SLC35F1: variants seen among roughly 807,000 people sequenced by gnomAD.
SLC35F1 encodes solute carrier family 35 member F1, also known as chromosome 6 open reading frame 169.
A neutral mutation model predicts 48.7 loss-of-function variants in SLC35F1; 14 were observed. That is an observed-to-expected ratio of 0.29 (90% CI 0.19 to 0.45). The LOEUF (loss-of-function observed/expected upper bound fraction) is 0.45. Among genes scored for constraint, SLC35F1 ranks in the 20% least tolerant of loss-of-function variants. The pLI, the probability that SLC35F1 is intolerant of heterozygous loss-of-function variation, is 1.00. For missense variants in SLC35F1, 404 were observed against 500.0 expected (o/e 0.81, Z 1.83); for synonymous variants, 190 against 202.2 (o/e 0.94, Z 0.51).
intron 1 of SLC35F1, among the ~76,000 whole-genome samples, chr6:118,003,121 A>G (rs1235210670): frequency 1.3e-5 from 2 of 152,360 alleles, no homozygotes; most frequent in African/African-American, 4.8e-5. Context: ...CTTAAATTAC[A>G]TCCAGAAAGG....
intron 1 of SLC35F1, among the ~76,000 whole-genome samples, chr6:117,997,654 A>T (rs1263860503): frequency 6.6e-6 from 1 of 152,218 alleles, no homozygotes. Context: ...TCAACCCAGA[A>T]TTTCATATCC....
intron 2 of SLC35F1, among the ~76,000 whole-genome samples, chr6:118,182,379 A>G (rs1774589694): frequency 6.6e-6 from 1 of 151,196 alleles, no homozygotes; most frequent in Admixed American, 6.6e-5. Context: ...GGCCTCAGTT[A>G]CTCTGGAGGC....
chr6:118,098,807 A>G (rs536131287), intron 1 of SLC35F1, among the ~76,000 whole-genome samples: 8 of 152,272 alleles, frequency 5.3e-5, no homozygotes, highest in African/African-American at 1.4e-4. Context: ...ATAAGATAAG[A>G]CTTTTAACGT....
chr6:118,283,810 G>A (rs1776014683), intron 6 of SLC35F1, among the ~76,000 whole-genome samples: 1 of 152,120 alleles, frequency 6.6e-6, no homozygotes, highest in Admixed American at 6.6e-5. Flanking sequence ...ACTACAGGGA[G>A]CATGAAACCC....
At chr6:118,239,964 G>T (rs1280966131) in intron 3 of SLC35F1, among the ~76,000 whole-genome samples, 1 of 152,142 alleles carries the variant, frequency 6.6e-6, no homozygotes, top group African/African-American at 2.4e-5. Context: ...TAGTAATTTA[G>T]TTCTGTTTAC....
chr6:118,190,208 G>A (rs927550164), intron 2 of SLC35F1, among the ~76,000 whole-genome samples: 2 of 152,178 alleles, frequency 1.3e-5, no homozygotes, highest in Admixed American at 1.3e-4. Context: ...GGAAACAGTA[G>A]AACAGTGAGT....
intron 1 of SLC35F1, among the ~76,000 whole-genome samples, chr6:118,137,225 G>A (rs185891496): frequency 6.6e-6 from 1 of 152,232 alleles, no homozygotes; most frequent in Non-Finnish European, 1.5e-5. Flanking sequence ...AAGGAACTAA[G>A]AACCTTGCCC....
At chr6:117,912,792 T>A (rs1377824682) in intron 1 of SLC35F1, among the ~76,000 whole-genome samples, 1 of 152,230 alleles carries the variant, frequency 6.6e-6, no homozygotes, top group Non-Finnish European at 1.5e-5. Flanking sequence ...TTGGAGAAAC[T>A]AATGTTCACA....
intron 1 of SLC35F1, among the ~76,000 whole-genome samples, chr6:118,095,204 A>G (rs981210432): frequency 1.3e-5 from 2 of 152,244 alleles, no homozygotes; most frequent in African/African-American, 4.8e-5. Context: ...ACTTAACAAT[A>G]TCACTTTCTG....
intron 1 of SLC35F1, among the ~76,000 whole-genome samples, chr6:118,133,937 C>G (rs1183930817): frequency 6.6e-6 from 1 of 152,192 alleles, no homozygotes; most frequent in African/African-American, 2.4e-5. Context: ...CATTGAGAAC[C>G]TTCTTGGTCA....
At chr6:118,257,480 C>A (rs1352473151) in intron 3 of SLC35F1, among the ~76,000 whole-genome samples, 1 of 152,100 alleles carries the variant, frequency 6.6e-6, no homozygotes, top group Non-Finnish European at 1.5e-5. Flanking sequence ...CTGCCTTCTC[C>A]AATCCAGGTC....
At chr6:118,281,024 A>C (rs562952308) in intron 6 of SLC35F1, among the ~76,000 whole-genome samples, 2 of 152,086 alleles carry the variant, frequency 1.3e-5, no homozygotes, top group South Asian at 4.2e-4. Flanking sequence ...AAGTCATCTA[A>C]CCTAGCTATT....
chr6:118,203,249 C>A (rs1464220340), intron 2 of SLC35F1, among the ~76,000 whole-genome samples: 1 of 152,238 alleles, frequency 6.6e-6, no homozygotes, highest in African/African-American at 2.4e-5. Context: ...GTTCATAGGG[C>A]TCTGAGGACA....
At chr6:118,308,918 G>A (rs1010508435) in intron 7 of SLC35F1, among the ~76,000 whole-genome samples, 3 of 152,138 alleles carry the variant, frequency 2.0e-5, no homozygotes, top group Middle Eastern at 3.2e-3. Context: ...GTCTTTTGAA[G>A]TTTAACAATA....
At chr6:118,239,018 T>A (rs1240519242) in intron 3 of SLC35F1, among the ~76,000 whole-genome samples, 29 of 151,840 alleles carry the variant, frequency 1.9e-4, no homozygotes, top group Admixed American at 1.9e-3. Context: ...ACACCCAGTG[T>A]AGCTCCCATC....
intron 7 of SLC35F1, among the ~76,000 whole-genome samples, chr6:118,294,221 T>G (rs773960519): frequency 6.6e-6 from 1 of 152,242 alleles, no homozygotes; most frequent in African/African-American, 2.4e-5. Flanking sequence ...CCAACTTTTT[T>G]CCTGTTTGAA....
intron 1 of SLC35F1, among the ~76,000 whole-genome samples, chr6:118,133,692 G>C (rs1227326251): frequency 6.6e-6 from 1 of 152,162 alleles, no homozygotes; most frequent in Non-Finnish European, 1.5e-5. Context: ...CAGAGATCCA[G>C]AACACCATCT....
intron 1 of SLC35F1, among the ~76,000 whole-genome samples, chr6:118,082,937 C>T (rs1054647802): frequency 2.0e-5 from 3 of 152,078 alleles, no homozygotes; most frequent in Admixed American, 6.6e-5. Flanking sequence ...CTGGATGACA[C>T]TCACCCCCGC....
Position 118,275,543 on chromosome 6 carries a change from T to A in SLC35F1, c.722T>A (p.Ile241Asn). 1.2e-6 allele frequency: 2 copies of A among 1,613,982 alleles called. No individual in the cohort carries two copies. The highest frequency in any genetic ancestry group is 1.7e-6 in the Non-Finnish European group (2 of 1,179,952). Residue 241 changes from isoleucine (I) to asparagine (N), a missense_variant, in exon 5 of 8, where the codon ATC becomes AAC. Transcript: ENST00000360388. ...GISNVWEEYI[I>N]RTLSRVEFLG... ...TCTAACGTCTGGGAAGAATACATCA[T>A]CCGAACTCTGAGCCGAGTGGAATTC...
Sources: allele counts gnomAD v4.1 joint callset (sites outside exome capture counted in the v4.1 genomes callset), GRCh38; gene constraint gnomAD v4.1.1; transcripts MANE v1.5; gene names NCBI Gene and HGNC (gene_info 2026-07-23, HGNC 2026-07-21).